IFT74: variants seen among roughly 807,000 people sequenced by gnomAD.
The protein encoded by IFT74 is intraflagellar transport protein 74 homolog.
In IFT74, 92 loss-of-function variants were observed where a neutral mutation model predicts 96.7. The observed-to-expected ratio is 0.95, with a 90% CI of 0.80 to 1.13. IFT74 has a LOEUF of 1.13. Among genes scored for constraint, IFT74 ranks in the 50% most tolerant of loss-of-function variants. The probability of loss-of-function intolerance (pLI) is 0.00; values close to 1 mark genes in which losing one functional copy is unlikely to be tolerated. For missense variants in IFT74, 811 were observed against 698.2 expected, an observed-to-expected ratio of 1.16 and a Z score of -1.82; for synonymous variants, 223 against 213.2, an observed-to-expected ratio of 1.05 and a Z score of -0.40.
chr9:26,948,451 T>TTATTA (rs1563926466), intron 1 of IFT74, among the ~76,000 whole-genome samples: 3 of 22,238 alleles, frequency 1.3e-4, no homozygotes, highest in African/African-American at 1.1e-3. Flanking sequence ...TTCCATTATT[T>TTATTA]TTTTTTTTTT....
At chr9:26,955,051 C>T (rs1014246906), upstream of IFT74, among the ~76,000 whole-genome samples, 1 of 152,128 alleles carries the variant, frequency 6.6e-6, no homozygotes, top group Admixed American at 6.5e-5. Flanking sequence ...CTCTTTAAAA[C>T]TTGGATAATA....
At chr9:27,005,072 A>G (rs1441071921) in intron 8 of IFT74, among the ~76,000 whole-genome samples, 1 of 152,208 alleles carries the variant, frequency 6.6e-6, no homozygotes, top group Non-Finnish European at 1.5e-5. Context: ...CAATGTATTT[A>G]GAGAATGATG....
At chr9:27,051,123 C>T (rs1819901248) in intron 16 of IFT74, among the ~76,000 whole-genome samples, 1 of 152,098 alleles carries the variant, frequency 6.6e-6, no homozygotes, top group South Asian at 2.1e-4. Context: ...GTTATGTAAT[C>T]ATAAGTATAT....
chr9:27,054,572 C>G (rs566451426), intron 16 of IFT74, among the ~76,000 whole-genome samples: 18 of 152,286 alleles, frequency 1.2e-4, no homozygotes, highest in African/African-American at 4.1e-4. Flanking sequence ...GAGACACACA[C>G]AGGTATCCTC....
chr9:27,014,525 A>G (rs1042652802), intron 10 of IFT74, among the ~76,000 whole-genome samples: 3 of 152,190 alleles, frequency 2.0e-5, no homozygotes, highest in African/African-American at 7.2e-5. Flanking sequence ...CTAAAATAAC[A>G]AGAGTTTTAA....
In IFT74 at chr9:27,048,171, A is replaced by G. The variant is rs1264868829; in HGVS notation, c.1230A>G (p.Ile410Met). The G allele has an allele frequency of 1.3e-6, 2 of 1,597,052 alleles. No homozygotes were observed. The highest frequency in any genetic ancestry group is 1.1e-5 in the South Asian group (1 of 88,810). The change falls in exon 16 of 20, where the codon ATA becomes ATG. Residue 410 changes from isoleucine to methionine, a missense_variant. Ile to Met is a conservative substitution (Grantham distance 10, BLOSUM62 1). Transcript: ENST00000380062. ...AGAATATAAATCGTATAGAACAGAT[A>G]TCCTCTATCACCAATCAAGAGCTAA... ...CSRNINRIEQ[I>M]SSITNQELKM...
At chr9:26,970,722 A>G (rs1389782368) in intron 2 of IFT74, among the ~76,000 whole-genome samples, 1 of 152,254 alleles carries the variant, frequency 6.6e-6, no homozygotes, top group Non-Finnish European at 1.5e-5. Flanking sequence ...TGTAGTTGAC[A>G]GTCTTCCTGT....
intron 2 of IFT74, among the ~76,000 whole-genome samples, chr9:26,966,517 GTAT>G (rs1382892142): frequency 1.3e-5 from 2 of 151,770 alleles, no homozygotes; most frequent in Non-Finnish European, 2.9e-5. Flanking sequence ...GTTTTTTATT[GTAT>G]TATTAGATTT....
At chr9:27,013,857 A>T (rs1424648645) in intron 10 of IFT74, among the ~76,000 whole-genome samples, 2 of 152,236 alleles carry the variant, frequency 1.3e-5, no homozygotes, top group Non-Finnish European at 2.9e-5. Flanking sequence ...CTTGCAAAAG[A>T]AATGAGTATT....
chr9:27,061,621 C>T (rs1197905421), intron 19 of IFT74, among the ~76,000 whole-genome samples: 1 of 150,388 alleles, frequency 6.6e-6, no homozygotes, highest in East Asian at 2.0e-4. Context: ...GTTAATATTA[C>T]CTTCTCATAG....
intron 8 of IFT74, chr9:26,999,726 C>T (rs781058771): frequency 9.5e-7 from 1 of 1,056,060 alleles, no homozygotes; most frequent in South Asian, 1.5e-5. Context: ...AGAGTATTTT[C>T]ATTAAGGACA....
At chr9:26,993,468 A>G (rs1471566402) in intron 8 of IFT74, 1 of 152,578 alleles carries the variant, frequency 6.6e-6, no homozygotes, top group Non-Finnish European at 1.5e-5. Context: ...GCAAATATGT[A>G]TTATAAATTA....
rs531868114 is a variant in IFT74 at position 27,043,006 on chromosome 9, G to T, written c.1055-1736G>T. ...CAGACAAAGTTTGTTTAATAACAGA[G>T]TACCTCTGGCCTCCTCTTCACAGTT... On this transcript the variant is annotated intron_variant, in intron 13 of 19. Transcript: ENST00000380062. 2.1e-4 allele frequency among the ~76,000 whole-genome samples: 32 copies of T among 152,302 alleles called. No homozygotes were observed. In the East Asian group the frequency reaches 6.0e-3, roughly 28 times the overall value.
intron 12 of IFT74, 145 bp from the exon 13 acceptor site, chr9:27,028,880 C>T (rs1156690793): frequency 3.2e-6 from 2 of 632,888 alleles, no homozygotes; most frequent in Admixed American, 7.8e-5. Context: ...ATGTCATCGT[C>T]AGTTATAGTA....
chr9:27,014,156 A>C (rs1019651805), intron 10 of IFT74, among the ~76,000 whole-genome samples: 2 of 152,190 alleles, frequency 1.3e-5, no homozygotes, highest in African/African-American at 4.8e-5. Context: ...CAGAGCTTGC[A>C]GTGAGCCAAG....
intron 10 of IFT74, among the ~76,000 whole-genome samples, chr9:27,012,444 C>T (rs1829129787): frequency 6.6e-6 from 1 of 151,940 alleles, no homozygotes; most frequent in Non-Finnish European, 1.5e-5. Context: ...TGTACAGCTC[C>T]TGGCCTCAAG....
chr9:27,001,527 G>A (rs1828490596), intron 8 of IFT74, among the ~76,000 whole-genome samples: 1 of 152,104 alleles, frequency 6.6e-6, no homozygotes, highest in Non-Finnish European at 1.5e-5. Flanking sequence ...ATATATCATT[G>A]TAGTTTTGAT....
At chr9:27,012,660 G>A (rs1367546904) in intron 10 of IFT74, among the ~76,000 whole-genome samples, 1 of 145,794 alleles carries the variant, frequency 6.9e-6, no homozygotes, top group African/African-American at 2.5e-5. Flanking sequence ...AAAACAAAAT[G>A]TGCATATGGT....
At position 27,038,843 on chromosome 9, in the gene IFT74, A is replaced by T. The variant is rs554905681; in HGVS notation, c.1055-5899A>T. Among the ~76,000 whole-genome samples the T allele has an allele frequency of 6.6e-5, 10 of 152,326 alleles. No individual in the cohort carries two copies. The South Asian group carries it at 1.9e-3, about 28-fold the overall frequency. ...AGGGTATGATCCTTCAGTGGAACAA[A>T]GCCTCCGTGTCACCTGAGGGATAGC... On this transcript the variant is annotated intron_variant, in intron 13 of 19. Transcript: ENST00000380062.
Sources: allele counts gnomAD v4.1 joint callset (sites outside exome capture counted in the v4.1 genomes callset), GRCh38; gene constraint gnomAD v4.1.1; transcripts MANE v1.5; gene names NCBI Gene and HGNC (gene_info 2026-07-23, HGNC 2026-07-21).